The following DYNC2LI1 variants were observed in gnomAD, a reference collection of about 807,000 sequenced individuals.
DYNC2LI1 encodes cytoplasmic dynein 2 light intermediate chain 1.
DYNC2LI1 carries 45 observed loss-of-function variants against 51.9 expected under a neutral mutation model. The observed-to-expected ratio is 0.87, with a 90% CI of 0.68 to 1.11. DYNC2LI1 has a LOEUF of 1.11. Ranked by LOEUF, DYNC2LI1 falls within the 50% of genes most tolerant of loss-of-function variation. The pLI is 0.00. For synonymous variants in DYNC2LI1, 130 were observed against 137.8 expected (o/e 0.94, Z 0.40); for missense variants, 490 against 417.4 (o/e 1.17, Z -1.51).
the DYNC2LI1 span, among the ~76,000 whole-genome samples, chr2:43,815,303 T>C: frequency 1.3e-5 from 2 of 152,346 alleles, no homozygotes; most frequent in African/African-American, 4.8e-5. Flanking sequence ...TATAAAATTC[T>C]TTCTGTTTGC....
At chr2:43,822,222 A>G in the DYNC2LI1 span, among the ~76,000 whole-genome samples, 1 of 151,928 alleles carries the variant, frequency 6.6e-6, no homozygotes, top group African/African-American at 2.4e-5. Context: ...GACTCTACCG[A>G]AGCTCTTTTT....
chr2:43,774,290 C>T, intron 1 of DYNC2LI1, 144 bp downstream of exon 1: 1 of 1,076,564 alleles, frequency 9.3e-7, no homozygotes, highest in South Asian at 1.5e-5. Context: ...TAGGAATCAG[C>T]CTTGAGCATA....
chr2:43,793,614 T>C (rs1425597028), intron 5 of DYNC2LI1: 1 of 151,832 alleles, frequency 6.6e-6, no homozygotes, highest in East Asian at 1.9e-4. Flanking sequence ...TTTTTTTTTT[T>C]TAATATAGTT....
rs372677433 is a variant in DYNC2LI1 at position 43,809,778 on chromosome 2, A to G, written c.*11A>G. 90 of 1,601,522 alleles carry G rather than the reference A, an allele frequency of 5.6e-5. No homozygotes were observed. The highest frequency in any genetic ancestry group is 7.3e-5 in the Non-Finnish European group (86 of 1,173,544). On this transcript the variant is annotated 3_prime_UTR_variant, in exon 13 of 13. Coordinates refer to ENST00000260605, the MANE Select transcript of DYNC2LI1 (RefSeq NM_016008.4). ...GAGCTTGATTCTTGAACCTATTTCA[A>G]TTATTGTATATTTATTTCTTCTTTT...
chr2:43,824,931 C>A, the DYNC2LI1 span: 10 of 1,613,996 alleles, frequency 6.2e-6, no homozygotes, highest in Non-Finnish European at 8.5e-6. Flanking sequence ...CAAGGGTAAC[C>A]GCAGTCATTG....
chr2:43,795,994 A>T lies in DYNC2LI1; in HGVS notation c.576+36A>T, dbSNP rs764287083. 36 of 1,462,486 alleles carry T rather than the reference A, an allele frequency of 2.5e-5. No individual in the cohort carries two copies. The South Asian group carries it at 4.2e-4, about 17-fold the overall frequency. The allele number at this position is 1,462,486 out of a possible 1,614,324, so 90.6% of individuals were successfully genotyped here. A position where few individuals can be genotyped will look rare whatever the true frequency, so the allele number is the denominator to read the frequency against. On this transcript the variant is annotated intron_variant, in intron 7 of 12. Coordinates refer to ENST00000260605, the MANE Select transcript of DYNC2LI1 (RefSeq NM_016008.4). The stretch of plus-strand genomic sequence containing the variant: ...CCGCTTCTAGCTGAGTTTGTTGTAC[A>T]TATATGGCTGTGCTTTTTATGAGGG...
At chr2:43,797,861 C>T (rs1374227967) in intron 8 of DYNC2LI1, among the ~76,000 whole-genome samples, 1 of 152,142 alleles carries the variant, frequency 6.6e-6, no homozygotes, top group Non-Finnish European at 1.5e-5. Context: ...TGCAGTGGCT[C>T]ACACCTGTAG....
intron 4 of DYNC2LI1, among the ~76,000 whole-genome samples, chr2:43,788,273 G>A (rs1673615628): frequency 6.6e-6 from 1 of 152,260 alleles, no homozygotes; most frequent in Admixed American, 6.5e-5. Context: ...CCAAACAATT[G>A]TAGAGATTAC....
intron 12 of DYNC2LI1, 91 bp downstream of exon 12, chr2:43,805,337 T>C: frequency 1.4e-6 from 1 of 725,892 alleles, no homozygotes; most frequent in African/African-American, 1.8e-5. Context: ...TCTCTATGTA[T>C]TTACTTAGAG....
At chr2:43,827,787 G>A in the DYNC2LI1 span, among the ~76,000 whole-genome samples, 322 of 152,226 alleles carry the variant, frequency 2.1e-3, 1 homozygote, top group Non-Finnish European at 3.9e-3. Context: ...TGTTTTGTTT[G>A]GATGATGGAA....
chr2:43,816,658 C>G, the DYNC2LI1 span, among the ~76,000 whole-genome samples: 6 of 152,278 alleles, frequency 3.9e-5, no homozygotes, highest in African/African-American at 1.4e-4. Flanking sequence ...ATTCTCCTGC[C>G]TCAGCCTCCT....
At chr2:43,793,946 A>G (rs564600067) in intron 5 of DYNC2LI1, 1 of 153,704 alleles carries the variant, frequency 6.5e-6, no homozygotes, top group Admixed American at 6.4e-5. Flanking sequence ...TACTAATTAT[A>G]TAAATCTGTG....
At chr2:43,781,952 A>G (rs1315721394) in intron 2 of DYNC2LI1, among the ~76,000 whole-genome samples, 1 of 152,022 alleles carries the variant, frequency 6.6e-6, no homozygotes, top group Non-Finnish European at 1.5e-5. Flanking sequence ...TCCTTCAGCT[A>G]GAAATAATCA....
At chr2:43,797,927 A>G (rs1665939055) in intron 8 of DYNC2LI1, among the ~76,000 whole-genome samples, 1 of 152,052 alleles carries the variant, frequency 6.6e-6, no homozygotes, top group East Asian at 1.9e-4. Flanking sequence ...GGAGTTTCAG[A>G]CCAGCCTGGG....
chr2:43,809,572 G>T, intron 12 of DYNC2LI1, 133 bp from the exon 13 acceptor site: 1 of 678,148 alleles, frequency 1.5e-6, no homozygotes, highest in Non-Finnish European at 2.6e-6. Flanking sequence ...AAAATAATTG[G>T]CAAGAAATAT....
chr2:43,827,669 T>C, the DYNC2LI1 span, among the ~76,000 whole-genome samples: 1 of 152,224 alleles, frequency 6.6e-6, no homozygotes. Flanking sequence ...GCCCACACAG[T>C]GGTATTGCCC....
At chr2:43,811,167 C>T (rs540647587), downstream of DYNC2LI1, among the ~76,000 whole-genome samples, 1 of 152,286 alleles carries the variant, frequency 6.6e-6, no homozygotes, top group Admixed American at 6.5e-5. Flanking sequence ...TCCTGTGGGA[C>T]TCTCTTTGAA....
At chr2:43,810,033 A>C, downstream of DYNC2LI1, 2 of 883,340 alleles carry the variant, frequency 2.3e-6, no homozygotes, top group Non-Finnish European at 2.9e-6. Flanking sequence ...GTATATACTC[A>C]ATTCAGCATG....
intron 5 of DYNC2LI1, chr2:43,792,786 C>T (rs1673853072): frequency 6.5e-7 from 1 of 1,537,896 alleles, no homozygotes; most frequent in East Asian, 2.5e-5. Context: ...TTTCATTTAG[C>T]ATAACGTCTT....
Sources: gnomAD v4.1 joint callset for allele counts (sites outside exome capture counted in the v4.1 genomes callset) on GRCh38, gnomAD v4.1.1 for gene constraint, MANE v1.5 for transcripts, NCBI Gene and HGNC (gene_info 2026-07-23, HGNC 2026-07-21) for gene names.